Variants in ERBB4 observed in about 807,000 individuals in gnomAD.
ERBB4 encodes the protein erb-b2 receptor tyrosine kinase 4, also known as receptor tyrosine-protein kinase erbB-4.
In ERBB4, 42 loss-of-function variants were observed where a neutral mutation model predicts 158.0. The ratio of observed to expected loss-of-function variants is 0.27; its 90% confidence interval spans 0.21 to 0.34. The LOEUF (loss-of-function observed/expected upper bound fraction) is 0.34. Among genes scored for constraint, ERBB4 ranks in the 10% least tolerant of loss-of-function variants. The pLI is 1.00. For missense variants in ERBB4, 1,333 were observed against 1,624.1 expected, an observed-to-expected ratio of 0.82 and a Z score of 3.08; for synonymous variants, 583 against 558.7, an observed-to-expected ratio of 1.04 and a Z score of -0.61.
In ERBB4 at chr2:212,351,550, CA is replaced by C. The variant is rs369042117; in HGVS notation, c.82+186898del. On this transcript the variant is annotated intron_variant, in intron 1 of 27. Transcript: ENST00000342788. ...TAAAATTTGAGTTGATCATTCCCCA[CA>C]AGTTTTTAAGCAGTGCTGTGCAATA... Among the ~76,000 whole-genome samples the C allele has an allele frequency of 1.9e-4, 29 of 152,224 alleles. No homozygotes were observed. The East Asian group carries it at 5.4e-3, about 28-fold the overall frequency.
chr2:212,486,488 T>C (rs1378147193), intron 1 of ERBB4, among the ~76,000 whole-genome samples: 1 of 152,218 alleles, frequency 6.6e-6, no homozygotes, highest in Non-Finnish European at 1.5e-5. Flanking sequence ...AGAGCATCAT[T>C]ACTCTAAGTT....
At chr2:212,479,068 T>C (rs1054132363) in intron 1 of ERBB4, among the ~76,000 whole-genome samples, 5 of 152,220 alleles carry the variant, frequency 3.3e-5, no homozygotes, top group Non-Finnish European at 5.9e-5. Flanking sequence ...GATGTTTGTA[T>C]GGCTGACTCT....
intron 1 of ERBB4, among the ~76,000 whole-genome samples, chr2:212,417,843 T>C (rs1268473887): frequency 6.6e-6 from 1 of 152,028 alleles, no homozygotes; most frequent in Non-Finnish European, 1.5e-5. Flanking sequence ...ACTATTAATA[T>C]TTGTATTCTC....
At chr2:211,445,786 A>C (rs1334425862) in intron 20 of ERBB4, among the ~76,000 whole-genome samples, 3 of 152,162 alleles carry the variant, frequency 2.0e-5, no homozygotes, top group African/African-American at 7.2e-5. Flanking sequence ...GTCACTTGAA[A>C]GAGGAAGTCA....
chr2:211,765,767 T>C (rs1255095819), intron 4 of ERBB4, among the ~76,000 whole-genome samples: 2 of 152,236 alleles, frequency 1.3e-5, no homozygotes, highest in Non-Finnish European at 2.9e-5. Flanking sequence ...CATCATTGTA[T>C]TGCTTTAAAA....
intron 1 of ERBB4, among the ~76,000 whole-genome samples, chr2:212,408,875 A>T (rs994389320): frequency 6.6e-6 from 1 of 152,156 alleles, no homozygotes; most frequent in African/African-American, 2.4e-5. Flanking sequence ...TTTAAAAGCA[A>T]TCCTGACAAA....
At chr2:212,055,258 C>A (rs919189010) in intron 2 of ERBB4, among the ~76,000 whole-genome samples, 1 of 152,200 alleles carries the variant, frequency 6.6e-6, no homozygotes, top group African/African-American at 2.4e-5. Context: ...GAAGGGGTGC[C>A]CGCCATTGCT....
At chr2:211,471,532 C>T (rs1290316030) in intron 20 of ERBB4, among the ~76,000 whole-genome samples, 1 of 152,104 alleles carries the variant, frequency 6.6e-6, no homozygotes, top group East Asian at 1.9e-4. Context: ...TGACCTGTTT[C>T]ATTTCCCACT....
At chr2:211,604,894 T>A (rs2068928934) in intron 19 of ERBB4, among the ~76,000 whole-genome samples, 2 of 152,150 alleles carry the variant, frequency 1.3e-5, no homozygotes, top group Non-Finnish European at 2.9e-5. Flanking sequence ...TCGAAACATC[T>A]TGTATCTATT....
chr2:212,240,668 C>CAAAA (rs2084066953), intron 1 of ERBB4, among the ~76,000 whole-genome samples: 1 of 67,692 alleles, frequency 1.5e-5, no homozygotes, highest in African/African-American at 5.9e-5. Context: ...AAAAAAAAAA[C>CAAAA]AGAAAAAAAA....
At chr2:211,519,857 A>C (rs1210928168) in intron 20 of ERBB4, among the ~76,000 whole-genome samples, 2 of 152,160 alleles carry the variant, frequency 1.3e-5, no homozygotes, top group Admixed American at 6.5e-5. Flanking sequence ...TGTTATCGAA[A>C]AGAGCTATCC....
At chr2:212,255,667 T>C (rs529496870) in intron 1 of ERBB4, among the ~76,000 whole-genome samples, 1 of 152,136 alleles carries the variant, frequency 6.6e-6, no homozygotes, top group South Asian at 2.1e-4. Flanking sequence ...AAGCTGAAGG[T>C]TTGAAATCTG....
intron 20 of ERBB4, among the ~76,000 whole-genome samples, chr2:211,503,767 C>T (rs185371947): frequency 6.6e-6 from 1 of 152,168 alleles, no homozygotes; most frequent in East Asian, 1.9e-4. Context: ...CCACTCTTTC[C>T]CTGAGAAGGC....
intron 3 of ERBB4, among the ~76,000 whole-genome samples, chr2:211,824,217 T>C (rs1453645050): frequency 2.0e-5 from 3 of 152,064 alleles, no homozygotes; most frequent in Admixed American, 1.3e-4. Context: ...TAGATTCTCA[T>C]TCCTTCTCAG....
At chr2:212,260,919 GA>G (rs1334830161) in intron 1 of ERBB4, among the ~76,000 whole-genome samples, 13 of 152,104 alleles carry the variant, frequency 8.5e-5, no homozygotes, top group African/African-American at 2.9e-4. Flanking sequence ...TATTCTGAAA[GA>G]AATGAAAGTT....
At chr2:211,598,408 T>C (rs936038212) in intron 19 of ERBB4, among the ~76,000 whole-genome samples, 3 of 152,180 alleles carry the variant, frequency 2.0e-5, no homozygotes, top group Non-Finnish European at 4.4e-5. Flanking sequence ...TGCAGATAAC[T>C]TGGGTGACTC....
At chr2:212,482,102 T>C (rs1368621687) in intron 1 of ERBB4, among the ~76,000 whole-genome samples, 1 of 152,224 alleles carries the variant, frequency 6.6e-6, no homozygotes, top group Non-Finnish European at 1.5e-5. Context: ...AGAGTAAATT[T>C]CAAACTGTGT....
At chr2:211,888,268 A>T (rs949354221) in intron 3 of ERBB4, among the ~76,000 whole-genome samples, 2 of 152,218 alleles carry the variant, frequency 1.3e-5, no homozygotes, top group Non-Finnish European at 2.9e-5. Flanking sequence ...GAGATTTCAT[A>T]AGGAAGAAAA....
chr2:211,751,311 T>C (rs532429747), intron 4 of ERBB4, among the ~76,000 whole-genome samples: 92 of 152,316 alleles, frequency 6.0e-4, no homozygotes, highest in Non-Finnish European at 9.0e-4. Context: ...TATAGTGGCA[T>C]CTTCTTCTAC....
Sources: gnomAD v4.1 joint callset for allele counts (sites outside exome capture counted in the v4.1 genomes callset) on GRCh38, gnomAD v4.1.1 for gene constraint, MANE v1.5 for transcripts, NCBI Gene and HGNC (gene_info 2026-07-23, HGNC 2026-07-21) for gene names.